CERT1: variants seen among roughly 807,000 people sequenced by gnomAD.
CERT1 encodes the protein ceramide transporter 1.
CERT1 carries 31 observed loss-of-function variants against 87.9 expected under a neutral mutation model. That is an observed-to-expected ratio of 0.35 (90% CI 0.27 to 0.48). The LOEUF (loss-of-function observed/expected upper bound fraction) is 0.48, where lower values mean the gene tolerates loss of function less well. Ranked by LOEUF, CERT1 falls within the 20% of genes least tolerant of loss-of-function variation. CERT1 has a pLI of 0.99. For missense variants in CERT1, 487 were observed against 758.0 expected (o/e 0.64, Z 4.20); for synonymous variants, 289 against 250.9 (o/e 1.15, Z -1.44).
At chr5:75,490,698 C>A (rs576028390) in intron 2 of CERT1, among the ~76,000 whole-genome samples, 1 of 152,188 alleles carries the variant, frequency 6.6e-6, no homozygotes, top group Admixed American at 6.5e-5. Flanking sequence ...TGGGATTTCA[C>A]CATGTTAGCC....
chr5:75,419,643 C>G (rs551922904), intron 5 of CERT1, among the ~76,000 whole-genome samples: 1 of 152,144 alleles, frequency 6.6e-6, no homozygotes, highest in East Asian at 1.9e-4. Flanking sequence ...TCCCCTCAAC[C>G]CCTGAATATT....
At chr5:75,390,734 T>C (rs1384235261) in intron 11 of CERT1, among the ~76,000 whole-genome samples, 1 of 152,230 alleles carries the variant, frequency 6.6e-6, no homozygotes, top group Non-Finnish European at 1.5e-5. Flanking sequence ...TTGTTTTATA[T>C]AAAGTCTATT....
chr5:75,450,631 G>A (rs1561272122), intron 3 of CERT1, among the ~76,000 whole-genome samples: 2 of 152,108 alleles, frequency 1.3e-5, no homozygotes, highest in Admixed American at 1.3e-4. Context: ...TTCTGGTGAG[G>A]CAGCCACCCA....
At chr5:75,427,747 T>C (rs1165409451) in intron 3 of CERT1, among the ~76,000 whole-genome samples, 1 of 152,222 alleles carries the variant, frequency 6.6e-6, no homozygotes, top group East Asian at 1.9e-4. Context: ...TAAGTATTTA[T>C]ATTGAACAGC....
At chr5:75,381,375 G>A (rs1457925819) in intron 15 of CERT1, among the ~76,000 whole-genome samples, 174 bp from the exon 16 acceptor site, 1 of 151,898 alleles carries the variant, frequency 6.6e-6, no homozygotes, top group Non-Finnish European at 1.5e-5. Context: ...TTTTTCTGGG[G>A]ACAAGGTCTT....
intron 3 of CERT1, among the ~76,000 whole-genome samples, chr5:75,448,347 G>GA (rs1349074158): frequency 6.6e-6 from 1 of 152,128 alleles, no homozygotes; most frequent in Admixed American, 6.5e-5. Flanking sequence ...CTGTGTGACT[G>GA]AAAAATGATA....
intron 2 of CERT1, among the ~76,000 whole-genome samples, chr5:75,467,320 TGAAG>T (rs1204608448): frequency 1.3e-5 from 2 of 151,998 alleles, no homozygotes; most frequent in African/African-American, 4.8e-5. Flanking sequence ...GAGAGTAGAA[TGAAG>T]GGAGAAAGTT....
At chr5:75,471,289 C>T (rs1043708108) in intron 2 of CERT1, among the ~76,000 whole-genome samples, 43 of 152,282 alleles carry the variant, frequency 2.8e-4, no homozygotes, top group African/African-American at 9.6e-4. Context: ...AAGCTACAAA[C>T]CTGGACAGCA....
At position 75,511,268 on chromosome 5, in the gene CERT1, G is replaced by C; in HGVS notation, c.-61C>G. The C allele has an allele frequency of 6.3e-7, 1 of 1,593,290 alleles. No individual in the cohort carries two copies. Among genetic ancestry groups the C allele is most frequent in the Non-Finnish European group, 8.5e-7 (1 of 1,169,964 alleles). The stretch of plus-strand genomic sequence containing the variant: ...CTCCCTCAGCTGCGCCGGAGGAGGC[G>C]CCCAGTCCTCGGGGTGAAGGGTCGG... On this transcript the variant is annotated 5_prime_UTR_variant, in exon 1 of 17. Transcript: ENST00000643780.
chr5:75,455,092 A>C (rs1362846737), intron 3 of CERT1, among the ~76,000 whole-genome samples: 4 of 152,218 alleles, frequency 2.6e-5, no homozygotes. Context: ...ATTACATCTG[A>C]AAAGTATGTT....
chr5:75,508,017 A>C (rs992260778), intron 1 of CERT1, among the ~76,000 whole-genome samples: 1 of 152,046 alleles, frequency 6.6e-6, no homozygotes, highest in Non-Finnish European at 1.5e-5. Flanking sequence ...TGTTTTTTTC[A>C]TAATTTACAC....
At position 75,399,857 on chromosome 5, in the gene CERT1, G is replaced by C. The variant is rs549669879; in HGVS notation, c.1110+348C>G. Among the ~76,000 whole-genome samples, 10 of 152,142 alleles carry C rather than the reference G, an allele frequency of 6.6e-5. No homozygotes were observed. In the South Asian group the frequency reaches 2.1e-3, roughly 32 times the overall value. On this transcript the variant is annotated intron_variant, in intron 10 of 16. Transcript: ENST00000643780. ...AACTTATATACTACAAGATATTTCC[G>C]GCTGGGCATGGTGGCTCACGCCTGT... is the stretch of plus-strand genomic sequence containing the variant.
chr5:75,465,168 G>A (rs1376266346), intron 2 of CERT1, among the ~76,000 whole-genome samples: 1 of 152,110 alleles, frequency 6.6e-6, no homozygotes, highest in Non-Finnish European at 1.5e-5. Context: ...TTTTCAACTT[G>A]CTTTCTAATA....
At chr5:75,429,284 C>T (rs1018615380) in intron 3 of CERT1, among the ~76,000 whole-genome samples, 11 of 151,892 alleles carry the variant, frequency 7.2e-5, no homozygotes, top group African/African-American at 2.2e-4. Context: ...TCACTGCCAC[C>T]TCTGTCTCCT....
intron 2 of CERT1, among the ~76,000 whole-genome samples, chr5:75,490,184 C>T (rs1199646166): frequency 3.3e-5 from 5 of 152,000 alleles, no homozygotes; most frequent in Admixed American, 2.6e-4. Flanking sequence ...CATCACACGC[C>T]GGGGCCTGTC....
At chr5:75,437,653 C>G (rs1261805213) in intron 3 of CERT1, among the ~76,000 whole-genome samples, 1 of 151,282 alleles carries the variant, frequency 6.6e-6, no homozygotes, top group Non-Finnish European at 1.5e-5. Flanking sequence ...ATTGTCCCAG[C>G]TACTTGGGAG....
chr5:75,443,250 T>C (rs1185093098), intron 3 of CERT1, among the ~76,000 whole-genome samples: 1 of 152,204 alleles, frequency 6.6e-6, no homozygotes, highest in Non-Finnish European at 1.5e-5. Context: ...TCCTTCCTTT[T>C]GCTAGCTTTG....
chr5:75,411,587 C>G (rs537784260), intron 7 of CERT1, among the ~76,000 whole-genome samples: 3 of 152,196 alleles, frequency 2.0e-5, no homozygotes, highest in Non-Finnish European at 4.4e-5. Context: ...GCTGGGATTA[C>G]AGGTGTGAGC....
At chr5:75,453,697 A>G (rs1347459586) in intron 3 of CERT1, among the ~76,000 whole-genome samples, 1 of 152,204 alleles carries the variant, frequency 6.6e-6, no homozygotes, top group Non-Finnish European at 1.5e-5. Context: ...TAATATATAT[A>G]AATTGTTTAT....
Sources: gnomAD v4.1 joint callset for allele counts (sites outside exome capture counted in the v4.1 genomes callset) on GRCh38, gnomAD v4.1.1 for gene constraint, MANE v1.5 for transcripts, NCBI Gene and HGNC (gene_info 2026-07-23, HGNC 2026-07-21) for gene names.